STK17B: variants seen among roughly 807,000 people sequenced by gnomAD.
The protein encoded by STK17B is serine/threonine-protein kinase 17B.
Under a neutral mutation model 42.0 loss-of-function variants are expected in STK17B, and 21 were observed. The observed-to-expected ratio is 0.50, with a 90% CI of 0.35 to 0.72. The LOEUF (loss-of-function observed/expected upper bound fraction) is 0.72. Ranked by LOEUF, STK17B falls within the 30% of genes least tolerant of loss-of-function variation. STK17B has a pLI of 0.00. For missense variants in STK17B, 349 were observed against 446.0 expected, an observed-to-expected ratio of 0.78 and a Z score of 1.96; for synonymous variants, 143 against 148.4, an observed-to-expected ratio of 0.96 and a Z score of 0.26.
intron 3 of STK17B, chr2:196,153,201 T>TAA (rs1456644472): frequency 1.8e-4 from 23 of 130,608 alleles, no homozygotes; most frequent in African/African-American, 6.4e-4. Context: ...ACTATATATA[T>TAA]AACTCTAACT....
At chr2:196,150,868 C>T (rs1699656464) in intron 3 of STK17B, among the ~76,000 whole-genome samples, 1 of 152,204 alleles carries the variant, frequency 6.6e-6, no homozygotes, top group African/African-American at 2.4e-5. Flanking sequence ...GATGTGAATA[C>T]CAATCTCCCT....
chr2:196,153,249 A>T (rs1699690847), intron 3 of STK17B: 1 of 146,166 alleles, frequency 6.8e-6, no homozygotes, highest in Non-Finnish European at 1.5e-5. Flanking sequence ...GTGCAAAAAC[A>T]ATGTCCAAAA....
chr2:196,160,169 T>C (rs1037248211), intron 2 of STK17B, among the ~76,000 whole-genome samples: 1 of 152,140 alleles, frequency 6.6e-6, no homozygotes, highest in Admixed American at 6.5e-5. Context: ...GCTAACTAGA[T>C]TTCCCAGCAG....
Position 196,133,758 on chromosome 2 carries a change from T to C in STK17B, c.*3689A>G, listed in dbSNP as rs1575166468. The C allele has an allele frequency of 2.0e-5, 3 of 152,214 alleles. No homozygotes were observed. Among genetic ancestry groups the C allele is most frequent in the African/African-American group, 7.2e-5 (3 of 41,464 alleles). The allele number at this position is 152,214 out of a possible 1,614,324, so 9.4% of individuals were successfully genotyped here. ...TTTTTAGCCAGAATGGTCAAGTTGA[T>C]GTAGATTTTTTTTACTGGAATACTC... On this transcript the variant is annotated 3_prime_UTR_variant, in exon 8 of 8. Transcript: ENST00000263955.
chr2:196,153,398 G>A (rs1161911993), intron 3 of STK17B: 1 of 151,588 alleles, frequency 6.6e-6, no homozygotes, highest in Non-Finnish European at 1.5e-5. Flanking sequence ...GTGAGAGAGG[G>A]GAGATGCATA....
In STK17B at chr2:196,171,317, C is replaced by T. The variant is rs1026986428; in HGVS notation, c.-45+16G>A. 6.5e-6 allele frequency: 1 copy of T among 152,702 alleles called. No homozygotes were observed. The highest frequency in any genetic ancestry group is 2.4e-5 in the African/African-American group (1 of 41,430). 9.5% of individuals were successfully genotyped at this position (152,702 alleles called of 1,614,324 possible). A position where few individuals can be genotyped will look rare whatever the true frequency, so the allele number is the denominator to read the frequency against. ...CGCAGCCCCGAGCCAACCCGCCAAT[C>T]CCGCAGGACACTAACCGCTCCGGCC... On this transcript the variant is annotated intron_variant, in intron 1 of 7. Coordinates refer to ENST00000263955, the MANE Select transcript of STK17B (RefSeq NM_004226.4).
At position 196,171,470 on chromosome 2, in the gene STK17B, T is replaced by G. The variant is rs1417899771; in HGVS notation, c.-182A>C. ...CCAGGGAGCTCCGAACGTGGCAGGA[T>G]CCACTTTTACTTTTCCAGACAAGGG... is the stretch of plus-strand genomic sequence containing the variant. On this transcript the variant is annotated 5_prime_UTR_variant, in exon 1 of 8. Transcript: ENST00000263955. 3 of 152,280 alleles carry G rather than the reference T, an allele frequency of 2.0e-5. No individual in the cohort carries two copies. 9.4% of individuals were successfully genotyped at this position (152,280 alleles called of 1,614,324 possible). A position where few individuals can be genotyped will look rare whatever the true frequency, so the allele number is the denominator to read the frequency against.
intron 3 of STK17B, among the ~76,000 whole-genome samples, chr2:196,149,225 G>GCAA (rs1258100937): frequency 1.1e-4 from 17 of 150,278 alleles, no homozygotes; most frequent in Non-Finnish European, 8.8e-5. Flanking sequence ...GTGCAGTAGT[G>GCAA]CAATCTCTAC....
chr2:196,140,160 C>T (rs905421355), intron 6 of STK17B, among the ~76,000 whole-genome samples: 4 of 152,208 alleles, frequency 2.6e-5, no homozygotes, highest in South Asian at 2.1e-4. Context: ...AGAGGTTCTG[C>T]ACAAATAGAG....
intron 3 of STK17B, among the ~76,000 whole-genome samples, chr2:196,147,037 A>G (rs1020792044): frequency 1.3e-5 from 2 of 152,224 alleles, no homozygotes; most frequent in Non-Finnish European, 2.9e-5. Context: ...TTTACCTGCA[A>G]TATAACTTAG....
chr2:196,155,519 T>C (rs937255530), intron 3 of STK17B, among the ~76,000 whole-genome samples: 1 of 152,198 alleles, frequency 6.6e-6, no homozygotes, highest in African/African-American at 2.4e-5. Context: ...AAAAAGGCAA[T>C]GATGCAAGTT....
rs1699356490 is a variant in STK17B at position 196,133,813 on chromosome 2, A to G, written c.*3634T>C. On this transcript the variant is annotated 3_prime_UTR_variant, in exon 8 of 8. Coordinates refer to ENST00000263955, the MANE Select transcript of STK17B (RefSeq NM_004226.4). ...TAATGTCTGTCTATATGCCTTAAGC[A>G]AGATTATTATTTAATAAAATATGGC... is the stretch of plus-strand genomic sequence containing the variant. The G allele has an allele frequency of 6.6e-6, 1 of 152,242 alleles. No individual in the cohort carries two copies. The highest frequency in any genetic ancestry group is 6.5e-5 in the Admixed American group (1 of 15,286). The allele number at this position is 152,242 out of a possible 1,614,324, so 9.4% of individuals were successfully genotyped here. A position where few individuals can be genotyped will look rare whatever the true frequency, so the allele number is the denominator to read the frequency against.
At chr2:196,154,356 C>G (rs773873971) in intron 3 of STK17B, 3 of 152,198 alleles carry the variant, frequency 2.0e-5, no homozygotes, top group Admixed American at 6.5e-5. Context: ...GAAGACTACA[C>G]CTTAAGCATG....
chr2:196,156,579 T>C lies in STK17B; in HGVS notation c.195A>G (p.Lys65=). 6.2e-7 allele frequency: 1 copy of C among 1,614,114 alleles called. No individual in the cohort carries two copies. The highest frequency in any genetic ancestry group is 8.5e-7 in the Non-Finnish European group (1 of 1,179,990). The change falls in exon 3 of 8, where the codon AAA becomes AAG. Residue 65 remains lysine, a synonymous_variant. Transcript: ENST00000263955. ...GACAATCCTGTCCTCTTCTTCTCTT[T>C]TTTAGAAATTTTGCAGCATATTCTT... ...TGQEYAAKFL[K]KRRRGQDCRA...
rs1459413031 is a variant in STK17B, at chr2:196,159,759, T to C, written c.123-3108A>G. ...GGGACCATATCTGTCCTAATTATTA[T>C]GGTAATTATAAAATCTACAGTTTGT... On this transcript the variant is annotated intron_variant, in intron 2 of 7. Coordinates refer to ENST00000263955, the MANE Select transcript of STK17B (RefSeq NM_004226.4). Among the ~76,000 whole-genome samples the C allele has an allele frequency of 3.3e-5, 5 of 152,344 alleles. No homozygotes were observed. In the East Asian group the frequency reaches 5.8e-4, roughly 18 times the overall value.
intron 1 of STK17B, among the ~76,000 whole-genome samples, chr2:196,169,887 T>C (rs1328409395): frequency 6.9e-6 from 1 of 145,982 alleles, no homozygotes; most frequent in African/African-American, 2.7e-5. Context: ...GATCCCTACT[T>C]TAGAAAAAAA....
chr2:196,156,271 G>C (rs1282457339), intron 3 of STK17B, 168 bp downstream of exon 3: 3 of 590,776 alleles, frequency 5.1e-6, no homozygotes, highest in Non-Finnish European at 8.6e-6. Context: ...TGTGCCCGAG[G>C]CTATACATTT....
intron 2 of STK17B, among the ~76,000 whole-genome samples, chr2:196,156,948 T>C (rs1699747737): frequency 6.6e-6 from 1 of 152,158 alleles, no homozygotes; most frequent in Admixed American, 6.5e-5. Context: ...GCAGATCACT[T>C]GAGGTCAGGA....
intron 6 of STK17B, 45 bp downstream of exon 6, chr2:196,141,203 TC>T: frequency 6.8e-7 from 1 of 1,476,404 alleles, no homozygotes; most frequent in Non-Finnish European, 9.4e-7. Flanking sequence ...AATATACGTT[TC>T]CCAACTTTCC....
Sources: allele counts gnomAD v4.1 joint callset (sites outside exome capture counted in the v4.1 genomes callset), GRCh38; gene constraint gnomAD v4.1.1; transcripts MANE v1.5; gene names NCBI Gene and HGNC (gene_info 2026-07-23, HGNC 2026-07-21).